The following POPDC3 variants were observed in gnomAD, a reference collection of about 807,000 sequenced individuals.
The protein encoded by POPDC3 is popeye domain-containing protein 3.
A neutral mutation model predicts 28.2 loss-of-function variants in POPDC3; 20 were observed. The observed-to-expected ratio is 0.71, with a 90% CI of 0.50 to 1.03. The LOEUF (loss-of-function observed/expected upper bound fraction) is 1.03, where lower values mean the gene tolerates loss of function less well. Among genes scored for constraint, POPDC3 ranks in the 50% least tolerant of loss-of-function variants. The probability of loss-of-function intolerance (pLI) is 0.00; values close to 1 mark genes in which losing one functional copy is unlikely to be tolerated. For synonymous variants in POPDC3, 118 were observed against 124.1 expected (o/e 0.95, Z 0.33); for missense variants, 316 against 345.9 (o/e 0.91, Z 0.69).
chr6:105,167,610 G>A (rs1774484295), intron 1 of POPDC3, among the ~76,000 whole-genome samples: 1 of 152,066 alleles, frequency 6.6e-6, no homozygotes, highest in African/African-American at 2.4e-5. Context: ...AGCCAGATGT[G>A]ATGGTGGGTG....
chr6:105,159,596 T>C, intron 3 of POPDC3, 115 bp downstream of exon 3: 1 of 639,936 alleles, frequency 1.6e-6, no homozygotes, highest in Admixed American at 2.7e-5. Context: ...CAAAGTACAT[T>C]CCAAAGTCTT....
At chr6:105,171,122 G>GTTTGCAT (rs889848665) in intron 1 of POPDC3, among the ~76,000 whole-genome samples, 3 of 152,174 alleles carry the variant, frequency 2.0e-5, no homozygotes, top group Non-Finnish European at 2.9e-5. Flanking sequence ...AGAGGTATGT[G>GTTTGCAT]TTTGCATTTT....
chr6:105,164,287 T>A (rs562115632), intron 1 of POPDC3, among the ~76,000 whole-genome samples: 27 of 152,318 alleles, frequency 1.8e-4, no homozygotes, highest in Non-Finnish European at 3.7e-4. Flanking sequence ...AGAAGGGAAC[T>A]TCTGGGAATC....
At chr6:105,166,618 C>T (rs573733371) in intron 1 of POPDC3, 111 of 471,092 alleles carry the variant, frequency 2.4e-4, no homozygotes, top group South Asian at 3.3e-4. Flanking sequence ...GTTTTCCTTC[C>T]GTACACTCAT....
intron 1 of POPDC3, among the ~76,000 whole-genome samples, 168 bp downstream of exon 1, chr6:105,179,665 G>C (rs1187161182): frequency 6.6e-6 from 1 of 152,194 alleles, no homozygotes; most frequent in Non-Finnish European, 1.5e-5. Flanking sequence ...CCGGAGCCGG[G>C]AAGGGAGCGG....
At chr6:105,160,347 G>T (rs1346386390) in intron 2 of POPDC3, among the ~76,000 whole-genome samples, 1 of 152,080 alleles carries the variant, frequency 6.6e-6, no homozygotes, top group Admixed American at 6.5e-5. Flanking sequence ...GAGTAGCTGG[G>T]ATTACAAGCG....
chr6:105,167,816 G>A (rs1774489136), intron 1 of POPDC3, among the ~76,000 whole-genome samples: 1 of 151,726 alleles, frequency 6.6e-6, no homozygotes, highest in African/African-American at 2.4e-5. Context: ...AAATGACAGT[G>A]TTTTAGAAAT....
chr6:105,169,141 CACAT>C (rs1455241929), intron 1 of POPDC3: 2 of 152,206 alleles, frequency 1.3e-5, no homozygotes, highest in Non-Finnish European at 2.9e-5. Context: ...ACTAAACACA[CACAT>C]AAACAGTTAT....
chr6:105,161,274 T>C (rs1582989001), intron 2 of POPDC3, 151 bp downstream of exon 2: 1 of 749,506 alleles, frequency 1.3e-6, no homozygotes, highest in South Asian at 1.8e-5. Flanking sequence ...TAAATGGCTA[T>C]GTCTGTGACT....
At position 105,172,191 on chromosome 6, in the gene POPDC3, AAAAC is replaced by A. The variant is rs1316968387; in HGVS notation, c.-252+7638_-252+7641del. Among the ~76,000 whole-genome samples, 101 of 151,406 alleles carry A rather than the reference AAAAC, an allele frequency of 6.7e-4. 2 individuals are homozygous for A. In the South Asian group the frequency reaches 0.011, roughly 16 times the overall value. The stretch of plus-strand genomic sequence containing the variant: ...GAACTCAAAACAAATTTACAAGAAA[AAAAC>A]AAACAACCTCATCAACAAGTGGGCG... On this transcript the variant is annotated intron_variant, in intron 1 of 3. Transcript: ENST00000254765.
At chr6:105,172,706 A>G (rs1337723225) in intron 1 of POPDC3, among the ~76,000 whole-genome samples, 1 of 150,802 alleles carries the variant, frequency 6.6e-6, no homozygotes, top group Non-Finnish European at 1.5e-5. Flanking sequence ...CTATGCAGCC[A>G]TAAAAAAGGA....
At chr6:105,160,755 G>T (rs1774308125) in intron 2 of POPDC3, among the ~76,000 whole-genome samples, 1 of 151,626 alleles carries the variant, frequency 6.6e-6, no homozygotes, top group South Asian at 2.1e-4. Context: ...ACCATGCCTG[G>T]ATAATTTTGT....
chr6:105,167,112 TA>T (rs946508650), intron 1 of POPDC3, among the ~76,000 whole-genome samples: 120 of 145,888 alleles, frequency 8.2e-4, no homozygotes, highest in African/African-American at 2.3e-3. Flanking sequence ...GATGTTGAAT[TA>T]AAAAAAAAAG....
intron 1 of POPDC3, among the ~76,000 whole-genome samples, chr6:105,177,737 T>A (rs1159375982): frequency 6.6e-6 from 1 of 152,216 alleles, no homozygotes; most frequent in Non-Finnish European, 1.5e-5. Flanking sequence ...CTTCCAATAC[T>A]ACCCCACAAC....
chr6:105,159,856 A>C (rs764712597), intron 2 of POPDC3, 37 bp from the exon 3 acceptor site: 1 of 1,420,076 alleles, frequency 7.0e-7, no homozygotes, highest in Non-Finnish European at 9.9e-7. Flanking sequence ...TAAGGGAAGG[A>C]GAAAGAGAGC....
rs1354664751 is a variant in POPDC3 at position 105,161,456 on chromosome 6, T to C, written c.454A>G (p.Ile152Val). ...GAAACAAGCAAGGAGAGTTTATCAA[T>C]GGAAGTTTTCCCCTGCATGGCATAA... is the stretch of plus-strand genomic sequence containing the variant. ...HCYAMQGKTS[I>V]DKLSLLVSGR... Residue 152 changes from isoleucine (I) to valine (V), a missense_variant, in exon 2 of 4, where the codon ATT becomes GTT. Ile to Val is a conservative substitution (Grantham distance 29). Coordinates refer to ENST00000254765, the MANE Select transcript of POPDC3 (RefSeq NM_022361.5). 2.5e-6 allele frequency: 4 copies of C among 1,613,784 alleles called. No homozygotes were observed. The Admixed American group carries it at 6.7e-5, about 27-fold the overall frequency.
chr6:105,160,292 A>G (rs1774293072), intron 2 of POPDC3, among the ~76,000 whole-genome samples: 1 of 151,968 alleles, frequency 6.6e-6, no homozygotes, highest in Admixed American at 6.5e-5. Flanking sequence ...GCTCCCTGCA[A>G]CCTCCTCCTC....
chr6:105,172,512 T>G (rs1468965992), intron 1 of POPDC3, among the ~76,000 whole-genome samples: 2 of 150,094 alleles, frequency 1.3e-5, no homozygotes, highest in African/African-American at 4.9e-5. Context: ...GAAATACCAT[T>G]TGACCTAGCC....
intron 1 of POPDC3, chr6:105,163,810 T>TA (rs1774401724): frequency 6.6e-6 from 1 of 152,192 alleles, no homozygotes; most frequent in South Asian, 2.1e-4. Context: ...AGCTTAGACT[T>TA]ACAACTTATA....
Sources: allele counts gnomAD v4.1 joint callset (sites outside exome capture counted in the v4.1 genomes callset), GRCh38; gene constraint gnomAD v4.1.1; transcripts MANE v1.5; gene names NCBI Gene and HGNC (gene_info 2026-07-23, HGNC 2026-07-21).